FHL2: variants seen among roughly 807,000 people sequenced by gnomAD.
The protein encoded by FHL2 is four and a half LIM domains protein 2.
Under a neutral mutation model 32.7 loss-of-function variants are expected in FHL2, and 20 were observed. The ratio of observed to expected loss-of-function variants is 0.61; its 90% CI spans 0.43 to 0.89. The LOEUF (loss-of-function observed/expected upper bound fraction) is 0.89, where lower values mean the gene tolerates loss of function less well. Ranked by LOEUF, FHL2 falls within the 40% of genes least tolerant of loss-of-function variation. The probability of loss-of-function intolerance (pLI) is 0.00; values close to 1 mark genes in which losing one functional copy is unlikely to be tolerated. For missense variants in FHL2, 311 were observed against 358.6 expected, an observed-to-expected ratio of 0.87 and a Z score of 1.07; for synonymous variants, 123 against 128.1, an observed-to-expected ratio of 0.96 and a Z score of 0.27.
rs185218749 is a variant in FHL2, at chr2:105,382,696, T to A, written c.156+3665A>T. Among the ~76,000 whole-genome samples the A allele has an allele frequency of 3.8e-3, 579 of 152,262 alleles. 6 individuals carry two copies. The highest frequency in any genetic ancestry group is 0.011 in the East Asian group (56 of 5,188). Reference sequence around the variant, plus strand: ...AGATCTTTTGTTCTTGTTTATTATTTTTTTTTTCTCTTTGTAGCACCCTCC... The same window carrying A: ...AGATCTTTTGTTCTTGTTTATTATTATTTTTTTCTCTTTGTAGCACCCTCC... On this transcript the variant is annotated intron_variant, in intron 3 of 6. Coordinates refer to ENST00000530340, the MANE Select transcript of FHL2 (RefSeq NM_001318895.3).
chr2:105,414,596 A>G (rs1461810881), intron 1 of FHL2, among the ~76,000 whole-genome samples: 1 of 152,238 alleles, frequency 6.6e-6, no homozygotes, highest in Non-Finnish European at 1.5e-5. Context: ...TCTGTCGCCC[A>G]GGCTGGAGTG....
upstream of FHL2, chr2:105,399,213 G>A (rs1011605485): frequency 2.6e-6 from 4 of 1,528,484 alleles, no homozygotes; most frequent in African/African-American, 4.1e-5. Context: ...CGGCGGTCCC[G>A]GCCCGTACCC....
At chr2:105,411,771 G>A (rs1043163112) in intron 1 of FHL2, among the ~76,000 whole-genome samples, 1 of 151,346 alleles carries the variant, frequency 6.6e-6, no homozygotes, top group Middle Eastern at 3.4e-3. Context: ...GTGGTAAGCC[G>A]AGATCACGCC....
chr2:105,385,668 G>C (rs1252138848), intron 3 of FHL2, among the ~76,000 whole-genome samples: 2 of 152,178 alleles, frequency 1.3e-5, no homozygotes, highest in Non-Finnish European at 2.9e-5. Flanking sequence ...CAGAGCTATG[G>C]ATGGGTCCCC....
At chr2:105,371,546 ATCTCTC>A (rs10701119) in intron 4 of FHL2, among the ~76,000 whole-genome samples, 46 of 141,088 alleles carry the variant, frequency 3.3e-4, no homozygotes, top group Admixed American at 2.3e-3. Context: ...ATCCCTTGAA[ATCTCTC>A]TCTCTCTCTC....
At chr2:105,413,022 CTCAAAG>C (rs1289649283) in intron 1 of FHL2, among the ~76,000 whole-genome samples, 1 of 152,114 alleles carries the variant, frequency 6.6e-6, no homozygotes, top group African/African-American at 2.4e-5. Context: ...AAATAATGTA[CTCAAAG>C]TCAGAGTTAA....
intron 1 of FHL2, among the ~76,000 whole-genome samples, chr2:105,428,105 T>C (rs1684317525): frequency 2.0e-5 from 3 of 152,318 alleles, no homozygotes; most frequent in African/African-American, 4.8e-5. Context: ...GAACTCATGG[T>C]CATAAAAGGT....
At chr2:105,407,749 G>A (rs1683680849) in intron 1 of FHL2, among the ~76,000 whole-genome samples, 1 of 152,090 alleles carries the variant, frequency 6.6e-6, no homozygotes, top group East Asian at 1.9e-4. Context: ...TCAGAGTCCA[G>A]CTTTTCTTTG....
At chr2:105,366,540 G>T (rs565306804) in intron 5 of FHL2, among the ~76,000 whole-genome samples, 6 of 152,288 alleles carry the variant, frequency 3.9e-5, no homozygotes, top group African/African-American at 1.4e-4. Context: ...GGACAGAGAC[G>T]CTGGAAGCTA....
At chr2:105,425,640 C>A (rs189166342) in intron 1 of FHL2, among the ~76,000 whole-genome samples, 1 of 151,906 alleles carries the variant, frequency 6.6e-6, no homozygotes, top group Non-Finnish European at 1.5e-5. Context: ...TGCCCTGTGG[C>A]GGGAGACGAG....
intron 2 of FHL2, among the ~76,000 whole-genome samples, chr2:105,395,835 C>T (rs1232206106): frequency 6.6e-6 from 1 of 152,180 alleles, no homozygotes; most frequent in Non-Finnish European, 1.5e-5. Context: ...ATCTTGAAGC[C>T]GCAGACAGAA....
chr2:105,420,733 AG>A (rs1684076273), intron 1 of FHL2, among the ~76,000 whole-genome samples: 1 of 152,124 alleles, frequency 6.6e-6, no homozygotes, highest in African/African-American at 2.4e-5. Flanking sequence ...GTTCCAACTC[AG>A]ATAATCAGGC....
intron 3 of FHL2, chr2:105,378,839 C>G (rs1045740740): frequency 1.3e-5 from 2 of 152,260 alleles, no homozygotes; most frequent in African/African-American, 2.4e-5. Flanking sequence ...ACTCTGTAAA[C>G]AAGCTTGCAT....
chr2:105,429,710 C>T (rs370746829), intron 1 of FHL2, among the ~76,000 whole-genome samples: 6 of 152,192 alleles, frequency 3.9e-5, no homozygotes, highest in African/African-American at 1.2e-4. Flanking sequence ...TAATTTGCTA[C>T]GGCATCCATA....
rs1164476269 is a variant in FHL2 at position 105,382,002 on chromosome 2, A to G, written c.156+4359T>C. 2.6e-5 allele frequency among the ~76,000 whole-genome samples: 4 copies of G among 152,202 alleles called. No homozygotes were observed. The East Asian group carries it at 7.8e-4, about 30-fold the overall frequency. ...CTTGGTCAGAAACCTTCCAAAATATACTAGGGGCATCTAGATTTAACCTGT... is the reference window on the plus strand; with the variant it reads ...CTTGGTCAGAAACCTTCCAAAATATGCTAGGGGCATCTAGATTTAACCTGT... On this transcript the variant is annotated intron_variant, in intron 3 of 6. Coordinates refer to ENST00000530340, the MANE Select transcript of FHL2 (RefSeq NM_001318895.3).
intron 3 of FHL2, among the ~76,000 whole-genome samples, chr2:105,379,376 T>A (rs566359037): frequency 2.6e-5 from 4 of 152,218 alleles, no homozygotes; most frequent in Non-Finnish European, 4.4e-5. Context: ...AAGACAGTCC[T>A]ATCAATGAGA....
intron 5 of FHL2, among the ~76,000 whole-genome samples, chr2:105,363,947 G>C (rs148771190): frequency 1.3e-5 from 2 of 152,300 alleles, no homozygotes; most frequent in East Asian, 3.9e-4. Flanking sequence ...AATTGGGCAA[G>C]TTGATGAGGA....
chr2:105,409,663 G>A (rs1683736329), intron 1 of FHL2, among the ~76,000 whole-genome samples: 1 of 152,130 alleles, frequency 6.6e-6, no homozygotes, highest in Non-Finnish European at 1.5e-5. Flanking sequence ...TGATATTATT[G>A]TTCACATGCC....
At chr2:105,401,062 T>C (rs989159117), upstream of FHL2, among the ~76,000 whole-genome samples, 2 of 115,708 alleles carry the variant, frequency 1.7e-5, no homozygotes, top group African/African-American at 6.7e-5. Flanking sequence ...TCTTATTGGA[T>C]TCTTTTTTTT....
Sources: allele counts gnomAD v4.1 joint callset (sites outside exome capture counted in the v4.1 genomes callset), GRCh38; gene constraint gnomAD v4.1.1; transcripts MANE v1.5; gene names NCBI Gene and HGNC (gene_info 2026-07-23, HGNC 2026-07-21).